The following DSCAML1 variants were observed in gnomAD, a reference collection of about 807,000 sequenced individuals.
DSCAML1 encodes the protein cell adhesion molecule DSCAML1.
Under a neutral mutation model 200.5 loss-of-function variants are expected in DSCAML1, and 38 were observed. The ratio of observed to expected loss-of-function variants is 0.19; its 90% confidence interval spans 0.15 to 0.25. The LOEUF (loss-of-function observed/expected upper bound fraction) is 0.25, where lower values mean the gene tolerates loss of function less well. Ranked by LOEUF, DSCAML1 falls within the 10% of genes least tolerant of loss-of-function variation. The pLI is 1.00. For synonymous variants in DSCAML1, 1,215 were observed against 1,165.0 expected, an observed-to-expected ratio of 1.04 and a Z score of -0.87; for missense variants, 2,223 against 2,858.8, an observed-to-expected ratio of 0.78 and a Z score of 5.07.
At chr11:117,515,461 G>A (rs889853018) in intron 8 of DSCAML1, among the ~76,000 whole-genome samples, 3 of 152,088 alleles carry the variant, frequency 2.0e-5, no homozygotes, top group Non-Finnish European at 4.4e-5. Flanking sequence ...GAACCAAGGA[G>A]ACATTGTCAT....
chr11:117,474,900 G>A (rs1223520265), intron 14 of DSCAML1, among the ~76,000 whole-genome samples: 13 of 151,982 alleles, frequency 8.6e-5, no homozygotes, highest in Non-Finnish European at 1.6e-4. Flanking sequence ...GACTACAGGC[G>A]CATGCCACCA....
upstream of DSCAML1, chr11:117,797,411 C>T (rs1433267404): frequency 4.8e-6 from 3 of 621,588 alleles, no homozygotes; most frequent in Admixed American, 4.4e-5. Flanking sequence ...GACCCGGCTC[C>T]GCTGTCTGAG....
Position 117,503,189 on chromosome 11 carries a change from G to A in DSCAML1, c.2359+656C>T, listed in dbSNP as rs1397525035. ...TGGGCAGGGGGATTTAGAAGCCGTG[G>A]GGGCAGCACCGAGTTGTAATGAGCT... On this transcript the variant is annotated intron_variant, in intron 11 of 32. Coordinates refer to ENST00000651296, the MANE Select transcript of DSCAML1 (RefSeq NM_020693.4). The surrounding 1 kb of genome is among the most constrained non-coding windows in gnomAD (Gnocchi z 5.2). 1.3e-5 allele frequency among the ~76,000 whole-genome samples: 2 copies of A among 152,174 alleles called. No homozygotes were observed. The highest frequency in any genetic ancestry group is 2.9e-5 in the Non-Finnish European group (2 of 68,026).
intron 3 of DSCAML1, among the ~76,000 whole-genome samples, chr11:117,545,260 CAA>C (rs1230978627): frequency 5.3e-5 from 8 of 150,068 alleles, no homozygotes; most frequent in Non-Finnish European, 1.2e-4. Context: ...CACACACACA[CAA>C]AACACAAGGA....
intron 3 of DSCAML1, among the ~76,000 whole-genome samples, chr11:117,685,355 C>T (rs993405796): frequency 6.6e-5 from 10 of 152,220 alleles, no homozygotes; most frequent in Admixed American, 5.2e-4. Context: ...ATCTTCATGT[C>T]TCCACCCTTC....
At chr11:117,644,953 C>T (rs553920858) in intron 3 of DSCAML1, among the ~76,000 whole-genome samples, 26 of 152,256 alleles carry the variant, frequency 1.7e-4, no homozygotes, top group Non-Finnish European at 3.2e-4. Flanking sequence ...ACGCTCTGTC[C>T]CAGACCCCGC....
intron 3 of DSCAML1, among the ~76,000 whole-genome samples, chr11:117,654,385 AAG>A (rs372170528): frequency 2.0e-5 from 3 of 152,324 alleles, no homozygotes; most frequent in African/African-American, 7.2e-5. Flanking sequence ...GGAAAAAGTG[AAG>A]AGAGAGAACA....
chr11:117,565,705 G>GT (rs1297200261), intron 3 of DSCAML1, among the ~76,000 whole-genome samples: 1 of 152,118 alleles, frequency 6.6e-6, no homozygotes, highest in East Asian at 1.9e-4. Flanking sequence ...CCTTTTTGGT[G>GT]TTTTTTTCCC....
chr11:117,563,246 A>G (rs1274188459), intron 3 of DSCAML1, among the ~76,000 whole-genome samples: 1 of 152,190 alleles, frequency 6.6e-6, no homozygotes, highest in African/African-American at 2.4e-5. Flanking sequence ...TATTCAGCAA[A>G]GACGGGATAA....
intron 3 of DSCAML1, among the ~76,000 whole-genome samples, chr11:117,750,832 TCCAGCC>T (rs1051340793): frequency 2.0e-5 from 3 of 152,122 alleles, no homozygotes; most frequent in African/African-American, 7.2e-5. Flanking sequence ...ACCAGGACCA[TCCAGCC>T]CCAGCCCCAG....
At chr11:117,654,517 A>C (rs548571967) in intron 3 of DSCAML1, among the ~76,000 whole-genome samples, 3 of 152,226 alleles carry the variant, frequency 2.0e-5, no homozygotes, top group African/African-American at 7.2e-5. Flanking sequence ...TCCATGAGAT[A>C]GGGCACAAAT....
chr11:117,610,374 G>A (rs1029626019), intron 3 of DSCAML1, among the ~76,000 whole-genome samples: 1 of 152,124 alleles, frequency 6.6e-6, no homozygotes, highest in Non-Finnish European at 1.5e-5. Flanking sequence ...CCAGTCCTAC[G>A]AACAGGTAGA....
chr11:117,502,632 G>A lies in DSCAML1; in HGVS notation c.2359+1213C>T, dbSNP rs562192092. Among the ~76,000 whole-genome samples, 43 of 152,298 alleles carry A rather than the reference G, an allele frequency of 2.8e-4. 1 individual carries two copies. The South Asian group carries it at 8.7e-3, about 31-fold the overall frequency. ...TAAAGAAGCTATGATTCTTAAAGGT[G>A]GGAACTCTGGGGAGAGGCTGGGCAG... On this transcript the variant is annotated intron_variant, in intron 11 of 32. Coordinates refer to ENST00000651296, the MANE Select transcript of DSCAML1 (RefSeq NM_020693.4).
chr11:117,549,128 C>T (rs1308181280), intron 3 of DSCAML1, among the ~76,000 whole-genome samples: 2 of 152,208 alleles, frequency 1.3e-5, no homozygotes, highest in Non-Finnish European at 2.9e-5. Context: ...GTTTCCCCAT[C>T]ACCACCTTCC....
intron 21 of DSCAML1, among the ~76,000 whole-genome samples, chr11:117,440,198 C>T (rs1202899878): frequency 1.3e-5 from 2 of 152,150 alleles, no homozygotes; most frequent in Non-Finnish European, 2.9e-5. Context: ...ATTCCCTGTC[C>T]TCACGTTGAT....
chr11:117,769,642 G>A (rs1798009155), intron 3 of DSCAML1, among the ~76,000 whole-genome samples: 1 of 143,940 alleles, frequency 6.9e-6, no homozygotes, highest in Non-Finnish European at 1.5e-5. Flanking sequence ...TAGGAGCACA[G>A]ATGATGGAGT....
chr11:117,566,940 G>C (rs2050769850), intron 3 of DSCAML1, among the ~76,000 whole-genome samples: 1 of 151,814 alleles, frequency 6.6e-6, no homozygotes. Context: ...AGTATTCCAT[G>C]GTGTATATGT....
chr11:117,746,005 G>A (rs2137853723), intron 3 of DSCAML1, among the ~76,000 whole-genome samples: 1 of 151,946 alleles, frequency 6.6e-6, no homozygotes, highest in African/African-American at 2.4e-5. Context: ...ATGAGGTCAG[G>A]AGATCGAGAA....
chr11:117,666,955 T>C (rs1427729758), intron 3 of DSCAML1, among the ~76,000 whole-genome samples: 1 of 151,976 alleles, frequency 6.6e-6, no homozygotes, highest in East Asian at 1.9e-4. Flanking sequence ...GTTTTGGGGG[T>C]AGGGCTGTCA....
Sources: gnomAD v4.1 joint callset for allele counts (sites outside exome capture counted in the v4.1 genomes callset) on GRCh38, gnomAD v4.1.1 for gene constraint, Gnocchi (gnomAD v3.1) non-coding constraint, MANE v1.5 for transcripts, NCBI Gene and HGNC (gene_info 2026-07-23, HGNC 2026-07-21) for gene names.